The following KALRN variants were observed in gnomAD, a reference collection of about 807,000 sequenced individuals.
KALRN encodes the protein kalirin RhoGEF kinase, also known as kalirin.
Under a neutral mutation model 353.7 loss-of-function variants are expected in KALRN, and 70 were observed. That is an observed-to-expected ratio of 0.20 (90% confidence interval 0.16 to 0.24). The LOEUF is 0.24. Among genes scored for constraint, KALRN ranks in the 10% least tolerant of loss-of-function variants. The pLI is 1.00. For synonymous variants in KALRN, 1,391 were observed against 1,434.8 expected (o/e 0.97, Z 0.69); for missense variants, 2,791 against 3,756.7 (o/e 0.74, Z 6.72).
intron 34 of KALRN, among the ~76,000 whole-genome samples, chr3:124,594,383 G>A (rs1242711920): frequency 6.6e-6 from 1 of 152,130 alleles, no homozygotes; most frequent in African/African-American, 2.4e-5. Context: ...GCGCCACCAC[G>A]CCCAACTGAT....
intron 6 of KALRN, among the ~76,000 whole-genome samples, chr3:124,304,110 T>C (rs1462352688): frequency 7.4e-6 from 1 of 134,364 alleles, no homozygotes; most frequent in Non-Finnish European, 1.5e-5. Flanking sequence ...ATGTCAGAAT[T>C]TCTAGATTTT....
intron 16 of KALRN, 85 bp downstream of exon 16, chr3:124,430,860 C>T: frequency 6.7e-7 from 1 of 1,485,786 alleles, no homozygotes; most frequent in Non-Finnish European, 9.0e-7. Context: ...TGTGGGTGTT[C>T]CTTCAGGCAG....
At chr3:124,660,612 C>T (rs568042847) in intron 43 of KALRN, among the ~76,000 whole-genome samples, 1 of 144,458 alleles carries the variant, frequency 6.9e-6, no homozygotes, top group East Asian at 2.0e-4. Flanking sequence ...ACCTAGGAGG[C>T]ACAGGTTACG....
At chr3:124,398,553 C>A in intron 12 of KALRN, 144 bp from the exon 13 acceptor site, 1 of 821,010 alleles carries the variant, frequency 1.2e-6, no homozygotes, top group Non-Finnish European at 2.1e-6. Context: ...AGGCTCACAG[C>A]AGGAGTTTGA....
intron 39 of KALRN, among the ~76,000 whole-genome samples, 187 bp downstream of exon 39, chr3:124,655,854 A>G (rs2083958620): frequency 6.6e-6 from 1 of 152,180 alleles, no homozygotes; most frequent in African/African-American, 2.4e-5. Context: ...TTGAAATAAG[A>G]TATTTAGAGG....
chr3:124,419,932 C>T (rs755754351), intron 14 of KALRN, among the ~76,000 whole-genome samples: 1 of 152,194 alleles, frequency 6.6e-6, no homozygotes, highest in Non-Finnish European at 1.5e-5. Context: ...ACTCTGCCTG[C>T]TGCCGATTGA....
chr3:124,445,530 T>C (rs1436830285), intron 19 of KALRN, among the ~76,000 whole-genome samples: 1 of 152,194 alleles, frequency 6.6e-6, no homozygotes, highest in Non-Finnish European at 1.5e-5. Context: ...CTTTTAGCTT[T>C]TCTTATGATC....
intron 33 of KALRN, among the ~76,000 whole-genome samples, chr3:124,534,899 A>C (rs1296091551): frequency 5.3e-5 from 8 of 152,210 alleles, no homozygotes; most frequent in Admixed American, 5.2e-4. Flanking sequence ...CGAACCCTGC[A>C]AATACCCCAG....
chr3:124,707,749 C>T (rs780043800), intron 57 of KALRN, among the ~76,000 whole-genome samples: 20 of 152,180 alleles, frequency 1.3e-4, no homozygotes, highest in Non-Finnish European at 2.5e-4. Context: ...ATGCAGGAAG[C>T]TAAACCTCTG....
chr3:124,557,773 G>A (rs756727305), intron 33 of KALRN, among the ~76,000 whole-genome samples: 3 of 152,158 alleles, frequency 2.0e-5, no homozygotes, highest in Non-Finnish European at 2.9e-5. Flanking sequence ...TCTGATGGGC[G>A]CTCTTGGGCA....
chr3:124,295,638 G>A lies in KALRN; in HGVS notation c.970-3153G>A, dbSNP rs531228236. Among the ~76,000 whole-genome samples the A allele has an allele frequency of 8.6e-5, 13 of 151,980 alleles. No individual in the cohort carries two copies. In the South Asian group the frequency reaches 1.0e-3, roughly 12 times the overall value. On this transcript the variant is annotated intron_variant, in intron 5 of 59. Coordinates refer to ENST00000682506, the MANE Select transcript of KALRN (RefSeq NM_001388419.1). ...TAACATACAGGGAAGGTCACTAATC[G>A]GCCACTGAAACATCCAAGAAAGTGT...
In KALRN at chr3:124,543,633, C is replaced by CTTTTAATG. The variant is rs1577858078; in HGVS notation, c.4936-19208_4936-19201dup. Among the ~76,000 whole-genome samples, 4 of 151,744 alleles carry CTTTTAATG rather than the reference C, an allele frequency of 2.6e-5. No individual in the cohort carries two copies. In the East Asian group the frequency reaches 7.7e-4, roughly 29 times the overall value. On this transcript the variant is annotated intron_variant, in intron 33 of 59. Coordinates refer to ENST00000682506, the MANE Select transcript of KALRN (RefSeq NM_001388419.1). Reference sequence around the variant, plus strand: ...CATATTTTCAAAACACCACAGGTTTCTTTTAATGTGGCATTTTCTTTATAA... The same window carrying CTTTTAATG: ...CATATTTTCAAAACACCACAGGTTTCTTTTAATGTTTTAATGTGGCATTTTCTTTATAA...
chr3:124,137,907 A>T (rs1196649658), intron 1 of KALRN, among the ~76,000 whole-genome samples: 4 of 152,124 alleles, frequency 2.6e-5, no homozygotes, highest in Admixed American at 1.3e-4. Flanking sequence ...CAGCATTGGG[A>T]TATGGATGCT....
intron 33 of KALRN, among the ~76,000 whole-genome samples, chr3:124,541,720 T>TAAA (rs753191575): frequency 8.5e-6 from 1 of 117,304 alleles, no homozygotes; most frequent in Non-Finnish European, 1.8e-5. Flanking sequence ...CCATCTCTAC[T>TAAA]AAAAAAAAAA....
At chr3:124,687,567 A>G (rs902764888) in intron 51 of KALRN, among the ~76,000 whole-genome samples, 1 of 152,082 alleles carries the variant, frequency 6.6e-6, no homozygotes, top group Non-Finnish European at 1.5e-5. Context: ...TATTTGGACT[A>G]GAAATATCCA....
chr3:124,442,144 C>A, intron 19 of KALRN, 85 bp downstream of exon 19: 2 of 666,940 alleles, frequency 3.0e-6, no homozygotes, highest in Non-Finnish European at 4.8e-6. Flanking sequence ...TTCACACAAT[C>A]TCAAATTTCC....
chr3:124,394,424 A>G (rs2089900639), intron 11 of KALRN, among the ~76,000 whole-genome samples: 1 of 152,230 alleles, frequency 6.6e-6, no homozygotes, highest in Non-Finnish European at 1.5e-5. Flanking sequence ...ATGATTTTTC[A>G]GTAATTCAGT....
intron 34 of KALRN, among the ~76,000 whole-genome samples, chr3:124,617,959 T>A (rs911018245): frequency 6.6e-6 from 1 of 152,072 alleles, no homozygotes; most frequent in African/African-American, 2.4e-5. Flanking sequence ...GGCAGAGATA[T>A]ATCAAATGAA....
At chr3:124,197,878 C>G (rs1170391266) in intron 1 of KALRN, among the ~76,000 whole-genome samples, 3 of 152,158 alleles carry the variant, frequency 2.0e-5, no homozygotes, top group African/African-American at 7.2e-5. Context: ...TCTTTTCTGT[C>G]CCCACCTTCA....
Sources: gnomAD v4.1 joint callset for allele counts (sites outside exome capture counted in the v4.1 genomes callset) on GRCh38, gnomAD v4.1.1 for gene constraint, MANE v1.5 for transcripts, NCBI Gene and HGNC (gene_info 2026-07-23, HGNC 2026-07-21) for gene names.